EDIL3: variants seen among roughly 807,000 people sequenced by gnomAD.
EDIL3 encodes EGF-like repeat and discoidin I-like domain-containing protein 3.
Under a neutral mutation model 67.4 loss-of-function variants are expected in EDIL3, and 37 were observed. The ratio of observed to expected loss-of-function variants is 0.55; its 90% CI spans 0.42 to 0.72. The LOEUF is 0.72. Ranked by LOEUF, EDIL3 falls within the 30% of genes least tolerant of loss-of-function variation. EDIL3 has a pLI of 0.00. For synonymous variants in EDIL3, 195 were observed against 196.3 expected (o/e 0.99, Z 0.05); for missense variants, 527 against 586.3 (o/e 0.90, Z 1.04).
chr5:84,066,964 T>C (rs1289111239), intron 6 of EDIL3, among the ~76,000 whole-genome samples: 1 of 152,218 alleles, frequency 6.6e-6, no homozygotes, highest in Non-Finnish European at 1.5e-5. Context: ...GTCATTACTA[T>C]AAAACTCTAT....
intron 4 of EDIL3, among the ~76,000 whole-genome samples, chr5:84,177,205 A>G (rs245707): frequency 0.54 from 82,037 of 151,952 alleles, 22,361 homozygotes; most frequent in East Asian, 0.72. Flanking sequence ...TTCAAATGCC[A>G]AATTTATAAA....
chr5:84,352,750 T>A (rs1034200625), intron 1 of EDIL3, among the ~76,000 whole-genome samples: 71 of 151,990 alleles, frequency 4.7e-4, no homozygotes, highest in African/African-American at 1.7e-3. Flanking sequence ...ACACAGTATA[T>A]CCACATAACA....
At position 84,064,535 on chromosome 5, in the gene EDIL3, C is replaced by A. The variant is rs182695789; in HGVS notation, c.952+165G>T. On this transcript the variant is annotated intron_variant, in intron 8 of 10. Coordinates refer to ENST00000296591, the MANE Select transcript of EDIL3 (RefSeq NM_005711.5). ...TAGCATGTTTTAGAACTTGTTTATT[C>A]TATACATAAACACACACTGGTTTTC... 2.0e-5 allele frequency among the ~76,000 whole-genome samples: 3 copies of A among 152,258 alleles called. No homozygotes were observed. The East Asian group carries it at 5.8e-4, about 29-fold the overall frequency.
chr5:84,306,459 T>G (rs1746279164), intron 1 of EDIL3, among the ~76,000 whole-genome samples: 1 of 152,250 alleles, frequency 6.6e-6, no homozygotes, highest in Non-Finnish European at 1.5e-5. Flanking sequence ...TTTTCCCACC[T>G]TCTGTGAACT....
intron 2 of EDIL3, among the ~76,000 whole-genome samples, chr5:84,244,165 A>T (rs190752083): frequency 1.5e-3 from 228 of 152,328 alleles, no homozygotes; most frequent in African/African-American, 5.1e-3. Flanking sequence ...TCCTCATATC[A>T]AATAGCATGA....
At chr5:84,139,703 A>G (rs1447207190) in intron 4 of EDIL3, among the ~76,000 whole-genome samples, 2 of 152,192 alleles carry the variant, frequency 1.3e-5, no homozygotes, top group African/African-American at 4.8e-5. Flanking sequence ...AGATGCAAAA[A>G]TTTATTCTCA....
chr5:84,126,303 T>C (rs1310735244), intron 5 of EDIL3, among the ~76,000 whole-genome samples: 1 of 152,058 alleles, frequency 6.6e-6, no homozygotes, highest in Non-Finnish European at 1.5e-5. Context: ...GGAGAAAATA[T>C]CTTTTGAAAC....
chr5:83,975,960 AT>A (rs1215286440), intron 9 of EDIL3, among the ~76,000 whole-genome samples: 1 of 152,036 alleles, frequency 6.6e-6, no homozygotes, highest in East Asian at 1.9e-4. Flanking sequence ...TTATGAATAA[AT>A]CTGTTACATT....
chr5:84,299,803 G>A (rs955887772), intron 1 of EDIL3, among the ~76,000 whole-genome samples: 1 of 152,134 alleles, frequency 6.6e-6, no homozygotes, highest in African/African-American at 2.4e-5. Flanking sequence ...TGGATAGGAG[G>A]TGAACATATC....
chr5:84,356,436 G>C (rs1010715343), intron 1 of EDIL3, among the ~76,000 whole-genome samples: 17 of 152,186 alleles, frequency 1.1e-4, no homozygotes, highest in Admixed American at 1.0e-3. Context: ...CTGTTACCTT[G>C]CCTTCAGCAG....
chr5:84,354,925 T>G (rs1747448964), intron 1 of EDIL3, among the ~76,000 whole-genome samples: 2 of 152,174 alleles, frequency 1.3e-5, no homozygotes, highest in South Asian at 4.1e-4. Flanking sequence ...ATTTTTTCCT[T>G]CATTTCACCC....
intron 3 of EDIL3, among the ~76,000 whole-genome samples, chr5:84,184,926 CT>C (rs1411743635): frequency 2.0e-5 from 3 of 152,114 alleles, no homozygotes; most frequent in Non-Finnish European, 1.5e-5. Context: ...GTTATTTTTC[CT>C]ACTCCAAGAA....
chr5:83,948,810 A>G (rs932357158), intron 10 of EDIL3, among the ~76,000 whole-genome samples: 1 of 151,712 alleles, frequency 6.6e-6, no homozygotes, highest in Non-Finnish European at 1.5e-5. Context: ...TGTGAATTCA[A>G]TTTTCTAGGA....
intron 9 of EDIL3, among the ~76,000 whole-genome samples, chr5:83,993,674 T>G (rs536949780): frequency 6.6e-6 from 1 of 152,320 alleles, no homozygotes; most frequent in Admixed American, 6.5e-5. Context: ...TCTTAAATTC[T>G]AAACCGGTGG....
chr5:84,306,613 T>C (rs1050472653), intron 1 of EDIL3, among the ~76,000 whole-genome samples: 2 of 152,232 alleles, frequency 1.3e-5, no homozygotes, highest in Non-Finnish European at 2.9e-5. Context: ...TACTAAATCA[T>C]GAGTCAAGTT....
chr5:83,983,195 G>A (rs1011874309), intron 9 of EDIL3, among the ~76,000 whole-genome samples: 5 of 152,090 alleles, frequency 3.3e-5, no homozygotes, highest in South Asian at 2.1e-4. Context: ...ACTATAGTAC[G>A]TATCGCATTG....
chr5:84,038,607 C>A (rs539141793), intron 9 of EDIL3, among the ~76,000 whole-genome samples: 3 of 152,288 alleles, frequency 2.0e-5, no homozygotes, highest in Admixed American at 2.0e-4. Flanking sequence ...AGAAGGAAAG[C>A]TGGGCTTTTA....
chr5:84,340,969 A>T (rs1253503884), intron 1 of EDIL3, among the ~76,000 whole-genome samples: 1 of 151,972 alleles, frequency 6.6e-6, no homozygotes, highest in Non-Finnish European at 1.5e-5. Flanking sequence ...CTGTTAAGTG[A>T]ACTCTTTTAC....
intron 4 of EDIL3, among the ~76,000 whole-genome samples, chr5:84,170,480 C>A (rs1748794556): frequency 6.6e-6 from 1 of 152,152 alleles, no homozygotes; most frequent in African/African-American, 2.4e-5. Flanking sequence ...AAGGTCAGAA[C>A]AACAGCAGTG....
Sources: allele counts gnomAD v4.1 joint callset (sites outside exome capture counted in the v4.1 genomes callset), GRCh38; gene constraint gnomAD v4.1.1; transcripts MANE v1.5; gene names NCBI Gene and HGNC (gene_info 2026-07-23, HGNC 2026-07-21).